The following ARHGEF2 variants were observed in gnomAD, a reference collection of about 807,000 sequenced individuals.
The protein encoded by ARHGEF2 is rho guanine nucleotide exchange factor 2.
A neutral mutation model predicts 121.0 loss-of-function variants in ARHGEF2; 22 were observed. The observed-to-expected ratio is 0.18, with a 90% CI of 0.13 to 0.26. The LOEUF is 0.26. Among genes scored for constraint, ARHGEF2 ranks in the 10% least tolerant of loss-of-function variants. ARHGEF2 has a pLI of 1.00. For missense variants in ARHGEF2, 907 were observed against 1,336.0 expected (o/e 0.68, Z 5.01); for synonymous variants, 487 against 530.0 (o/e 0.92, Z 1.11).
chr1:155,961,293 G>A lies in ARHGEF2; in HGVS notation c.1468+368C>T, dbSNP rs181404497. Among the ~76,000 whole-genome samples the A allele has an allele frequency of 8.8e-3, 667 of 75,500 alleles. 8 individuals are homozygous for A. The highest frequency in any genetic ancestry group is 0.032 in the African/African-American group (640 of 19,824). 49.5% of individuals were successfully genotyped at this position (75,500 alleles called of 152,430 possible). A position where few individuals can be genotyped will look rare whatever the true frequency, so the allele number is the denominator to read the frequency against. On this transcript the variant is annotated intron_variant, in intron 11 of 21. Transcript: ENST00000361247. The surrounding 1 kb of genome is among the most constrained non-coding windows in gnomAD (Gnocchi z 4.7). ...TTGATTCTTTTTTTTTTTTTTTTTTGAGATGGAGTCTTGCTGTGTCACCCA... is the reference window on the plus strand; with the variant it reads ...TTGATTCTTTTTTTTTTTTTTTTTTAAGATGGAGTCTTGCTGTGTCACCCA...
chr1:155,958,540 C>T (rs1677154180), intron 11 of ARHGEF2, 144 bp from the exon 12 acceptor site: 1 of 586,330 alleles, frequency 1.7e-6, no homozygotes. Flanking sequence ...TGGCTGCTTG[C>T]ACTTTTTCAG....
chr1:155,949,931 A>T (rs1220621778), intron 21 of ARHGEF2, among the ~76,000 whole-genome samples: 2 of 151,270 alleles, frequency 1.3e-5, no homozygotes, highest in African/African-American at 2.4e-5. Flanking sequence ...AAATAAATGA[A>T]TTTTTTTTTG....
Position 155,947,246 on chromosome 1 carries a change from A to G in ARHGEF2, c.*696T>C. ...AAACACGTGCAGTTGACTTTGGTAC[A>G]AAAAAGAAAACAAAAGAACAACAAA... On this transcript the variant is annotated 3_prime_UTR_variant, in exon 22 of 22. Transcript: ENST00000361247. 1 of 407,010 alleles carries G rather than the reference A, an allele frequency of 2.5e-6. No individual in the cohort carries two copies. Among genetic ancestry groups the G allele is most frequent in the Non-Finnish European group, 4.9e-6 (1 of 203,774 alleles). The allele number at this position is 407,010 out of a possible 1,614,324, so 25.2% of individuals were successfully genotyped here. A position where few individuals can be genotyped will look rare whatever the true frequency, so the allele number is the denominator to read the frequency against.
At position 155,965,082 on chromosome 1, in the gene ARHGEF2, C is replaced by T. The variant is rs369719782; in HGVS notation, c.630G>A (p.Lys210=). 1.2e-6 allele frequency: 2 copies of T among 1,613,978 alleles called. No individual in the cohort carries two copies. The highest frequency in any genetic ancestry group is 8.5e-7 in the Non-Finnish European group (1 of 1,180,034). Residue 210 remains lysine, a synonymous_variant, in exon 7 of 22, where the codon AAG becomes AAA. Coordinates refer to ENST00000361247, the MANE Select transcript of ARHGEF2 (RefSeq NM_001162383.2). The surrounding 1 kb of genome is among the most constrained non-coding windows in gnomAD (Gnocchi z 6.0). ...ELMSDFEMDE[K]DFAADSWSLA... is the part of the protein sequence containing the mutation. The stretch of plus-strand genomic sequence containing the variant: ...GACTCCAAGAGTCAGCTGCAAAGTC[C>T]TTCTCATCCATCTCAAAGTCACTCA...
chr1:155,962,701 C>A lies in ARHGEF2; in HGVS notation c.993G>T (p.Ala331=). 1.2e-6 allele frequency: 2 copies of A among 1,614,132 alleles called. No individual in the cohort carries two copies. Among genetic ancestry groups the A allele is most frequent in the Non-Finnish European group, 1.7e-6 (2 of 1,180,024 alleles). The change falls in exon 9 of 22, where the codon GCG becomes GCT. Residue 331 remains alanine (A), a synonymous_variant. Transcript: ENST00000361247. The surrounding 1 kb of genome is among the most constrained non-coding windows in gnomAD (Gnocchi z 5.8). ...CCGAGTAGGTCTTACACATCTGCTC[C>A]GCACTAGGACCTGAGAACTAGAAGT... is the stretch of plus-strand genomic sequence containing the variant. ...LLISQFSGPS[A]EQMCKTYSEF... is the part of the protein sequence containing the mutation.
intron 1 of ARHGEF2, chr1:155,970,533 A>C (rs1680254180): frequency 6.1e-6 from 6 of 985,372 alleles, no homozygotes; most frequent in Middle Eastern, 5.2e-4. Context: ...GAAATCAAAA[A>C]TCAGGATCCA....
rs780289288 is a variant in ARHGEF2, at chr1:155,969,169, G to A, written c.195C>T (p.Ala65=). Residue 65 remains alanine (A), a synonymous_variant, in exon 2 of 22, where the codon GCC becomes GCT. Transcript: ENST00000361247. Reference sequence around the variant, plus strand: ...CAAACAACTTACTTGGGCAGATGAGGGCTTCCTTGGCTGTGATGCTCTTGT... The same window carrying A: ...CAAACAACTTACTTGGGCAGATGAGAGCTTCCTTGGCTGTGATGCTCTTGT... ...ACNKSITAKE[A]LICPTCNVTI... The A allele has an allele frequency of 1.5e-5, 25 of 1,614,054 alleles. No individual in the cohort carries two copies. The highest frequency in any genetic ancestry group is 2.0e-5 in the Non-Finnish European group (24 of 1,180,022).
At chr1:155,967,056 T>A (rs1305753735) in intron 2 of ARHGEF2, 169 bp from the exon 3 acceptor site, 1 of 160,760 alleles carries the variant, frequency 6.2e-6, no homozygotes, top group Non-Finnish European at 1.3e-5. Flanking sequence ...CCCACCTCCC[T>A]CTTCCTTCAA....
At position 155,962,396 on chromosome 1, in the gene ARHGEF2, G is replaced by T; in HGVS notation, c.1102-174C>A. The T allele has an allele frequency of 1.9e-6, 2 of 1,026,206 alleles. No homozygotes were observed. Among genetic ancestry groups the T allele is most frequent in the African/African-American group, 1.6e-5 (1 of 62,642 alleles). The allele number at this position is 1,026,206 out of a possible 1,614,324, so 63.6% of individuals were successfully genotyped here. ...TTTGTTGTGAGGACCAACTGAAGGAGCAAAAAGTACTTGGGAAACTACCAC... is the reference window on the plus strand; with the variant it reads ...TTTGTTGTGAGGACCAACTGAAGGATCAAAAAGTACTTGGGAAACTACCAC... On this transcript the variant is annotated intron_variant, in intron 9 of 21. Coordinates refer to ENST00000361247, the MANE Select transcript of ARHGEF2 (RefSeq NM_001162383.2). This position sits in a 1 kb window ranked among gnomAD's most constrained non-coding sequence, Gnocchi z 5.8.
In ARHGEF2 at chr1:155,978,234, T is replaced by G; in HGVS notation, c.63+131A>C. The G allele has an allele frequency of 1.0e-5, 11 of 1,077,442 alleles. No individual in the cohort carries two copies. The highest frequency in any genetic ancestry group is 1.4e-4 in the East Asian group (2 of 13,942). The allele number at this position is 1,077,442 out of a possible 1,614,324, so 66.7% of individuals were successfully genotyped here. On this transcript the variant is annotated intron_variant, in intron 1 of 21. Coordinates refer to ENST00000361247, the MANE Select transcript of ARHGEF2 (RefSeq NM_001162383.2). The surrounding 1 kb of genome is among the most constrained non-coding windows in gnomAD (Gnocchi z 4.1). ...GTCCCCACCCACCCCGTCCCGCCGC[T>G]CGCCGATCCACCGCTCCGCCCGATT...
chr1:155,952,773 C>T lies in ARHGEF2; in HGVS notation c.1839G>A (p.Gly613=). The T allele has an allele frequency of 6.2e-7, 1 of 1,614,192 alleles. No individual in the cohort carries two copies. Among genetic ancestry groups the T allele is most frequent in the Non-Finnish European group, 8.5e-7 (1 of 1,180,036 alleles). ...GGAAATGGGTCATCTCAGCAAACAGCCCGACCTTCTCTCGCAGCAGCTCCA... is the reference window on the plus strand; with the variant it reads ...GGAAATGGGTCATCTCAGCAAACAGTCCGACCTTCTCTCGCAGCAGCTCCA... ...ALVELLREKV[G]LFAEMTHFQA... The change falls in exon 15 of 22, where the codon GGG becomes GGA. Residue 613 remains glycine, a synonymous_variant. Coordinates refer to ENST00000361247, the MANE Select transcript of ARHGEF2 (RefSeq NM_001162383.2).
chr1:155,963,756 C>T (rs1381241077), intron 7 of ARHGEF2, among the ~76,000 whole-genome samples: 2 of 152,020 alleles, frequency 1.3e-5, no homozygotes, highest in Non-Finnish European at 2.9e-5. Flanking sequence ...ACTGCAGCCT[C>T]GAACTTCTGG....
Position 155,950,933 on chromosome 1 carries a change from C to T in ARHGEF2, c.2599G>A (p.Glu867Lys), listed in dbSNP as rs1675309987. Residue 867 changes from glutamate (E) to lysine (K), a missense_variant, in exon 20 of 22, where the codon GAG becomes AAG. Physicochemically the swap from Glu to Lys is moderately conservative, Grantham distance 56. Coordinates refer to ENST00000361247, the MANE Select transcript of ARHGEF2 (RefSeq NM_001162383.2). This position sits in a 1 kb window ranked among gnomAD's most constrained non-coding sequence, Gnocchi z 5.2. ...RRQLAALGQT[E>K]PLPAEAPWAR... Reference sequence around the variant, plus strand: ...CAGGGGGCCTCAGCTGGGAGTGGCTCGGTCTGGCCCAGGGCGGCCAGCTGC... The same window carrying T: ...CAGGGGGCCTCAGCTGGGAGTGGCTTGGTCTGGCCCAGGGCGGCCAGCTGC... The T allele has an allele frequency of 2.5e-6, 4 of 1,605,520 alleles. No individual in the cohort carries two copies. Among genetic ancestry groups the T allele is most frequent in the African/African-American group, 1.3e-5 (1 of 74,750 alleles).
chr1:155,961,922 GT>G lies in ARHGEF2; in HGVS notation c.1220-14del. 1 of 1,613,454 alleles carries G rather than the reference GT, an allele frequency of 6.2e-7. No homozygotes were observed. Among genetic ancestry groups the G allele is most frequent in the Non-Finnish European group, 8.5e-7 (1 of 1,179,506 alleles). ...TCCTCCTCGATCCCTGGCACCGGGG[GT>G]TGGCATGGGGAACGGCTCAACCAGT... On this transcript the variant is annotated splice_polypyrimidine_tract_variant and intron_variant, in intron 10 of 21. Coordinates refer to ENST00000361247, the MANE Select transcript of ARHGEF2 (RefSeq NM_001162383.2). The surrounding 1 kb of genome is among the most constrained non-coding windows in gnomAD (Gnocchi z 4.7).
chr1:155,970,200 C>T, intron 1 of ARHGEF2: 3 of 985,532 alleles, frequency 3.0e-6, no homozygotes, highest in Non-Finnish European at 3.6e-6. Context: ...CATCTACCCT[C>T]CATCCTTCAG....
intron 1 of ARHGEF2, chr1:155,970,816 G>A: frequency 1.0e-6 from 1 of 986,240 alleles, no homozygotes; most frequent in Non-Finnish European, 1.2e-6. Flanking sequence ...CTGGGCCCAA[G>A]ATCCTTCTCT....
intron 11 of ARHGEF2, among the ~76,000 whole-genome samples, chr1:155,959,251 C>A (rs1248964027): frequency 6.6e-6 from 1 of 151,926 alleles, no homozygotes; most frequent in Non-Finnish European, 1.5e-5. Flanking sequence ...TAATTTGATT[C>A]TATTATTATT....
In ARHGEF2 at chr1:155,950,685, C is replaced by T. The variant is rs946901190; in HGVS notation, c.2703+144G>A. On this transcript the variant is annotated intron_variant, in intron 20 of 21. Coordinates refer to ENST00000361247, the MANE Select transcript of ARHGEF2 (RefSeq NM_001162383.2). The surrounding 1 kb of genome is among the most constrained non-coding windows in gnomAD (Gnocchi z 5.2). ...CCCTGCACCCATCTACATTTCTTTT[C>T]AGTTCTCCAACCAGTATCTCAATAT... 1.9e-6 allele frequency: 2 copies of T among 1,042,606 alleles called. No individual in the cohort carries two copies. Among genetic ancestry groups the T allele is most frequent in the Admixed American group, 5.0e-5 (2 of 40,386 alleles). 64.6% of individuals were successfully genotyped at this position (1,042,606 alleles called of 1,614,324 possible).
chr1:155,970,376 GAGA>G, intron 1 of ARHGEF2: 1 of 985,448 alleles, frequency 1.0e-6, no homozygotes, highest in Non-Finnish European at 1.2e-6. Flanking sequence ...CAAAAAGCCT[GAGA>G]AGGTGAGAAG....
Sources: gnomAD v4.1 joint callset for allele counts (sites outside exome capture counted in the v4.1 genomes callset) on GRCh38, gnomAD v4.1.1 for gene constraint, Gnocchi (gnomAD v3.1) non-coding constraint, MANE v1.5 for transcripts, NCBI Gene and HGNC (gene_info 2026-07-23, HGNC 2026-07-21) for gene names.